SORCS2: variants seen among roughly 807,000 people sequenced by gnomAD.
SORCS2 encodes VPS10 domain-containing receptor SorCS2.
Under a neutral mutation model 141.6 loss-of-function variants are expected in SORCS2, and 100 were observed. The observed-to-expected ratio is 0.71, with a 90% CI of 0.60 to 0.83. The LOEUF is 0.83. Among genes scored for constraint, SORCS2 ranks in the 40% least tolerant of loss-of-function variants. SORCS2 has a pLI of 0.00. For missense variants in SORCS2, 1,646 were observed against 1,560.2 expected, an observed-to-expected ratio of 1.05 and a Z score of -0.93; for synonymous variants, 789 against 676.9, an observed-to-expected ratio of 1.17 and a Z score of -2.57.
chr4:7,316,109 T>C (rs1718530668), intron 1 of SORCS2, among the ~76,000 whole-genome samples: 1 of 151,844 alleles, frequency 6.6e-6, no homozygotes, highest in Non-Finnish European at 1.5e-5. Flanking sequence ...CATCCTTTTT[T>C]CCTTCTATCT....
intron 2 of SORCS2, among the ~76,000 whole-genome samples, chr4:7,403,538 G>C (rs1037907740): frequency 2.0e-4 from 30 of 152,010 alleles, no homozygotes; most frequent in Admixed American, 1.6e-3. Flanking sequence ...GGTAATTTAA[G>C]GTATTTCAAG....
chr4:7,350,490 G>A (rs1424403614), intron 1 of SORCS2, among the ~76,000 whole-genome samples: 2 of 152,240 alleles, frequency 1.3e-5, no homozygotes, highest in Non-Finnish European at 2.9e-5. Context: ...TGCTAGATGG[G>A]ACACTCCCAA....
chr4:7,294,223 T>C (rs1716801232), intron 1 of SORCS2, among the ~76,000 whole-genome samples: 2 of 151,930 alleles, frequency 1.3e-5, no homozygotes, highest in South Asian at 4.2e-4. Context: ...TGCCGGGGCG[T>C]AGGGGAGAGG....
chr4:7,613,090 G>A (rs1299575859), intron 3 of SORCS2, among the ~76,000 whole-genome samples: 2 of 152,260 alleles, frequency 1.3e-5, no homozygotes, highest in Non-Finnish European at 2.9e-5. Context: ...AGGCCTGTAG[G>A]CCTGCAGAGC....
At chr4:7,321,033 C>T (rs1337479685) in intron 1 of SORCS2, among the ~76,000 whole-genome samples, 1 of 152,030 alleles carries the variant, frequency 6.6e-6, no homozygotes, top group East Asian at 1.9e-4. Context: ...TTTATCAGCA[C>T]CCCTCACCTG....
intron 2 of SORCS2, among the ~76,000 whole-genome samples, chr4:7,466,284 C>T (rs374009996): frequency 1.4e-3 from 212 of 152,262 alleles, no homozygotes; most frequent in African/African-American, 4.8e-3. Flanking sequence ...TGTGGCTCTG[C>T]CCTCCTCCAG....
rs112982540 is a variant in SORCS2, at chr4:7,618,991, C to T, written c.649-19337C>T. 3.3e-3 allele frequency among the ~76,000 whole-genome samples: 502 copies of T among 152,186 alleles called. 3 individuals carry two copies. The highest frequency in any genetic ancestry group is 0.012 in the African/African-American group (481 of 41,516). ...CTCGGAAGCACCTGAAATTTCTAAC[C>T]GGCAAATGTGAGAGTAGATGCTTTT... On this transcript the variant is annotated intron_variant, in intron 3 of 26. Coordinates refer to ENST00000507866, the MANE Select transcript of SORCS2 (RefSeq NM_020777.3).
chr4:7,687,780 G>A (rs1422757976), intron 10 of SORCS2, among the ~76,000 whole-genome samples: 2 of 152,132 alleles, frequency 1.3e-5, no homozygotes, highest in East Asian at 1.9e-4. Context: ...GTGGCTTTTA[G>A]TCTATTCACA....
chr4:7,540,996 C>A (rs1325821067), intron 3 of SORCS2, among the ~76,000 whole-genome samples: 1 of 152,272 alleles, frequency 6.6e-6, no homozygotes, highest in African/African-American at 2.4e-5. Context: ...ATGCCAGGCA[C>A]ACAGCTGGGG....
intron 2 of SORCS2, among the ~76,000 whole-genome samples, chr4:7,403,995 ATATTTTTTTTTTTT>A (rs1163825666): frequency 2.1e-4 from 2 of 9,558 alleles, no homozygotes; most frequent in Admixed American, 6.7e-4. Context: ...ATATATATAT[ATATTTTTTTTTTTT>A]TTTTAGTATC....
At chr4:7,362,886 A>C (rs958143777) in intron 1 of SORCS2, among the ~76,000 whole-genome samples, 1 of 149,210 alleles carries the variant, frequency 6.7e-6, no homozygotes, top group African/African-American at 2.5e-5. Context: ...CACCTCTACC[A>C]TCATTCCTAC....
intron 3 of SORCS2, among the ~76,000 whole-genome samples, chr4:7,564,087 A>G (rs4540045): frequency 0.97 from 147,265 of 152,328 alleles, 71,293 homozygotes; most frequent in East Asian, 1. Flanking sequence ...CCAGGAAGAC[A>G]TTTCTAATGG....
chr4:7,540,876 C>T (rs949228862), intron 3 of SORCS2, among the ~76,000 whole-genome samples: 2 of 152,244 alleles, frequency 1.3e-5, no homozygotes, highest in Admixed American at 6.5e-5. Flanking sequence ...CTCAGCAGCT[C>T]AGGCCTGGCC....
Position 7,517,271 on chromosome 4 carries a change from C to T in SORCS2, c.549-14259C>T, listed in dbSNP as rs142365787. 3.9e-4 allele frequency among the ~76,000 whole-genome samples: 60 copies of T among 152,226 alleles called. No homozygotes were observed. The East Asian group carries it at 0.01, about 25-fold the overall frequency. ...CATCTTCCCACTCAAAACTTTCAGC[C>T]GGGTTTCCACAATCGCACGACTCGA... On this transcript the variant is annotated intron_variant, in intron 2 of 26. Coordinates refer to ENST00000507866, the MANE Select transcript of SORCS2 (RefSeq NM_020777.3).
At position 7,408,570 on chromosome 4, in the gene SORCS2, C is replaced by T. The variant is rs73084254; in HGVS notation, c.548+12215C>T. Among the ~76,000 whole-genome samples, 491 of 152,118 alleles carry T rather than the reference C, an allele frequency of 3.2e-3. 4 individuals are homozygous for T. The highest frequency in any genetic ancestry group is 0.011 in the African/African-American group (443 of 41,504). On this transcript the variant is annotated intron_variant, in intron 2 of 26. Coordinates refer to ENST00000507866, the MANE Select transcript of SORCS2 (RefSeq NM_020777.3). ...CTTTGAGAGTTTGATTATTATATGC[C>T]TTGGGGGTAGTCTTGTTTGGGTTGA... is the stretch of plus-strand genomic sequence containing the variant.
At chr4:7,523,170 C>T (rs1733449341) in intron 2 of SORCS2, among the ~76,000 whole-genome samples, 1 of 151,850 alleles carries the variant, frequency 6.6e-6, no homozygotes, top group African/African-American at 2.4e-5. Flanking sequence ...ATTTTGACAC[C>T]ATCCACAGAT....
chr4:7,482,634 CGCTGTTT>C (rs1560321419), intron 2 of SORCS2, among the ~76,000 whole-genome samples: 7 of 80,942 alleles, frequency 8.6e-5, no homozygotes, highest in Non-Finnish European at 1.4e-4. Flanking sequence ...ACACCCCTGA[CGCTGTTT>C]AGACCTGTAT....
At chr4:7,420,412 G>T (rs1253991370) in intron 2 of SORCS2, among the ~76,000 whole-genome samples, 2 of 152,212 alleles carry the variant, frequency 1.3e-5, no homozygotes, top group African/African-American at 4.8e-5. Flanking sequence ...TATCCTGGCT[G>T]GGCACAGGTC....
intron 2 of SORCS2, among the ~76,000 whole-genome samples, chr4:7,453,766 G>A (rs1265324468): frequency 3.0e-5 from 4 of 131,800 alleles, no homozygotes; most frequent in African/African-American, 1.2e-4. Context: ...CTGTGTGTTG[G>A]GGTCAGGTGC....
Sources: allele counts gnomAD v4.1 joint callset (sites outside exome capture counted in the v4.1 genomes callset), GRCh38; gene constraint gnomAD v4.1.1; transcripts MANE v1.5; gene names NCBI Gene and HGNC (gene_info 2026-07-23, HGNC 2026-07-21).